CERS3: variants seen among roughly 807,000 people sequenced by gnomAD.
CERS3 encodes ceramide synthase 3, also known as LAG1 homolog, ceramide synthase 3.
CERS3 carries 33 observed loss-of-function variants against 50.3 expected under a neutral mutation model. The ratio of observed to expected loss-of-function variants is 0.66; its 90% CI spans 0.50 to 0.88. CERS3 has a LOEUF of 0.88. Ranked by LOEUF, CERS3 falls within the 40% of genes least tolerant of loss-of-function variation. The pLI is 0.00. For synonymous variants in CERS3, 176 were observed against 155.2 expected, an observed-to-expected ratio of 1.13 and a Z score of -0.99; for missense variants, 470 against 460.3, an observed-to-expected ratio of 1.02 and a Z score of -0.19.
intron 6 of CERS3, 37 bp from the exon 7 acceptor site, chr15:100,479,515 A>G (rs1376451054): frequency 6.4e-7 from 1 of 1,550,516 alleles, no homozygotes; most frequent in Admixed American, 2.0e-5. Flanking sequence ...AACAGATGAG[A>G]AATAAATTGG....
chr15:100,505,128 C>T (rs2036137963), intron 2 of CERS3, among the ~76,000 whole-genome samples: 1 of 152,142 alleles, frequency 6.6e-6, no homozygotes, highest in South Asian at 2.1e-4. Flanking sequence ...ATGTTCCTTA[C>T]TTTATTGGTT....
chr15:100,452,222 A>G (rs1057408206), intron 11 of CERS3, among the ~76,000 whole-genome samples: 1 of 152,260 alleles, frequency 6.6e-6, no homozygotes, highest in African/African-American at 2.4e-5. Flanking sequence ...ACCATATGTT[A>G]GGACATAAAA....
intron 1 of CERS3, among the ~76,000 whole-genome samples, chr15:100,523,766 T>C (rs1251288449): frequency 6.6e-6 from 1 of 151,434 alleles, no homozygotes; most frequent in Non-Finnish European, 1.5e-5. Flanking sequence ...TGTTTTGTCA[T>C]CTAGAACAAT....
At chr15:100,508,131 G>A (rs2036236307) in intron 2 of CERS3, among the ~76,000 whole-genome samples, 1 of 151,602 alleles carries the variant, frequency 6.6e-6, no homozygotes, top group South Asian at 2.1e-4. Context: ...CTGTTTTTAG[G>A]ATTTATAACT....
chr15:100,505,463 A>G (rs115154108), intron 2 of CERS3, among the ~76,000 whole-genome samples: 333 of 152,314 alleles, frequency 2.2e-3, no homozygotes, highest in African/African-American at 7.5e-3. Flanking sequence ...GTTGAGGATG[A>G]CCTCTTGGAA....
chr15:100,530,006 G>A (rs555736640), upstream of CERS3, among the ~76,000 whole-genome samples: 13 of 152,272 alleles, frequency 8.5e-5, no homozygotes, highest in African/African-American at 2.9e-4. Flanking sequence ...ATTGATAAAC[G>A]CCCTTCCTTT....
chr15:100,400,956 T>C lies in CERS3; in HGVS notation c.*1757A>G, dbSNP rs2030475759. ...AATGTTATACAGAGAAAATCTGACC[T>C]TGTTTGTAACAATTTCTCAGAAAGA... On this transcript the variant is annotated 3_prime_UTR_variant, in exon 12 of 12. Transcript: ENST00000679737. 1 of 152,172 alleles carries C rather than the reference T, an allele frequency of 6.6e-6. No homozygotes were observed. The highest frequency in any genetic ancestry group is 6.5e-5 in the Admixed American group (1 of 15,280). The allele number at this position is 152,172 out of a possible 1,614,324, so 9.4% of individuals were successfully genotyped here.
intron 11 of CERS3, among the ~76,000 whole-genome samples, chr15:100,448,422 A>G (rs926216686): frequency 6.6e-5 from 10 of 152,260 alleles, no homozygotes; most frequent in African/African-American, 2.4e-4. Flanking sequence ...AAGAGATCTC[A>G]GTAGTCCACA....
intron 11 of CERS3, among the ~76,000 whole-genome samples, chr15:100,427,529 G>A (rs1186572319): frequency 6.6e-6 from 1 of 152,188 alleles, no homozygotes; most frequent in Non-Finnish European, 1.5e-5. Flanking sequence ...CTCAGGCCTT[G>A]GGGTAGCAAG....
At chr15:100,440,445 C>G (rs2033627505) in intron 11 of CERS3, among the ~76,000 whole-genome samples, 1 of 152,158 alleles carries the variant, frequency 6.6e-6, no homozygotes, top group African/African-American at 2.4e-5. Flanking sequence ...GAGAACAAAC[C>G]CCCTTTTTCC....
chr15:100,483,725 A>T (rs569613204), intron 5 of CERS3, among the ~76,000 whole-genome samples: 4 of 151,058 alleles, frequency 2.6e-5, no homozygotes, highest in Non-Finnish European at 5.9e-5. Flanking sequence ...GATAGCCCCA[A>T]CTTCCCTGAC....
At chr15:100,489,416 A>AT (rs1403146387) in intron 4 of CERS3, among the ~76,000 whole-genome samples, 2 of 152,190 alleles carry the variant, frequency 1.3e-5, no homozygotes, top group Non-Finnish European at 2.9e-5. Context: ...TCCTTTGGCC[A>AT]TTTTTTCTCC....
At chr15:100,432,885 C>T (rs1272676711) in intron 11 of CERS3, among the ~76,000 whole-genome samples, 3 of 152,088 alleles carry the variant, frequency 2.0e-5, no homozygotes, top group Non-Finnish European at 4.4e-5. Context: ...GCGGAGCTCT[C>T]CATAACTGAG....
At chr15:100,442,266 G>A (rs1404948200) in intron 11 of CERS3, among the ~76,000 whole-genome samples, 1 of 152,028 alleles carries the variant, frequency 6.6e-6, no homozygotes, top group East Asian at 1.9e-4. Context: ...AGGTCAAAAG[G>A]GCCGTCTTAT....
Position 100,479,409 on chromosome 15 carries a change from T to A in CERS3, c.516+19A>T. The A allele has an allele frequency of 6.4e-7, 1 of 1,573,260 alleles. No homozygotes were observed. Among genetic ancestry groups the A allele is most frequent in the South Asian group, 1.2e-5 (1 of 86,934 alleles). On this transcript the variant is annotated intron_variant, in intron 7 of 11. Coordinates refer to ENST00000679737, the MANE Select transcript of CERS3 (RefSeq NM_001378789.1). Reference sequence around the variant, plus strand: ...CTTGGTGTTCAAGTAAGGGGAGGAATATGTTATAGTGGACTTACCTGTTTG... The same window carrying A: ...CTTGGTGTTCAAGTAAGGGGAGGAAAATGTTATAGTGGACTTACCTGTTTG...
chr15:100,483,784 A>ATTCTTTTT (rs1335617514), intron 5 of CERS3, among the ~76,000 whole-genome samples: 1 of 89,438 alleles, frequency 1.1e-5, no homozygotes, highest in Non-Finnish European at 2.1e-5. Context: ...AATTATTATT[A>ATTCTTTTT]TTATTTTTTT....
chr15:100,497,116 G>A (rs1009472409), intron 3 of CERS3, among the ~76,000 whole-genome samples: 3 of 152,270 alleles, frequency 2.0e-5, no homozygotes, highest in Admixed American at 2.0e-4. Flanking sequence ...TGAAGCACAT[G>A]TTTTACTGGG....
At chr15:100,423,749 A>G (rs2032620003) in intron 11 of CERS3, among the ~76,000 whole-genome samples, 1 of 152,092 alleles carries the variant, frequency 6.6e-6, no homozygotes, top group Non-Finnish European at 1.5e-5. Flanking sequence ...CCCTGAACCT[A>G]AAACAAAAGT....
intron 7 of CERS3, 56 bp downstream of exon 7, chr15:100,479,372 A>G: frequency 7.6e-7 from 1 of 1,313,184 alleles, no homozygotes; most frequent in South Asian, 1.3e-5. Context: ...CTAAGGAGAT[A>G]ATTTGAGGGA....
Sources: gnomAD v4.1 joint callset for allele counts (sites outside exome capture counted in the v4.1 genomes callset) on GRCh38, gnomAD v4.1.1 for gene constraint, MANE v1.5 for transcripts, NCBI Gene and HGNC (gene_info 2026-07-23, HGNC 2026-07-21) for gene names.